PLXND1: variants seen among roughly 807,000 people sequenced by gnomAD.
PLXND1 encodes the protein plexin D1, also known as plexin-D1.
Under a neutral mutation model 197.7 loss-of-function variants are expected in PLXND1, and 54 were observed. The observed-to-expected ratio is 0.27, with a 90% CI of 0.22 to 0.34. PLXND1 has a LOEUF of 0.34. Among genes scored for constraint, PLXND1 ranks in the 10% least tolerant of loss-of-function variants. The pLI is 1.00. For missense variants in PLXND1, 2,127 were observed against 2,699.2 expected (o/e 0.79, Z 4.70); for synonymous variants, 1,180 against 1,161.2 (o/e 1.02, Z -0.33).
chr3:129,596,673 A>G (rs904921469), intron 1 of PLXND1, among the ~76,000 whole-genome samples: 3 of 152,134 alleles, frequency 2.0e-5, no homozygotes, highest in African/African-American at 7.2e-5. Flanking sequence ...TCTCCAGGGA[A>G]CACTGGCAGT....
chr3:129,597,552 G>T (rs770556059), intron 1 of PLXND1, among the ~76,000 whole-genome samples: 1 of 152,154 alleles, frequency 6.6e-6, no homozygotes, highest in South Asian at 2.1e-4. Context: ...GGGCCTTGCC[G>T]GGACTCGTAA....
intron 8 of PLXND1, 33 bp from the exon 9 acceptor site, chr3:129,578,466 G>A: frequency 7.3e-7 from 1 of 1,361,510 alleles, no homozygotes; most frequent in Non-Finnish European, 1.0e-6. Context: ...GGGTGACACA[G>A]GGGCATTTCA....
intron 1 of PLXND1, among the ~76,000 whole-genome samples, chr3:129,595,444 A>G (rs2085606230): frequency 6.6e-6 from 1 of 152,202 alleles, no homozygotes; most frequent in Non-Finnish European, 1.5e-5. Context: ...GGGGTGACCA[A>G]GAGGCTTCCT....
At position 129,577,566 on chromosome 3, in the gene PLXND1, G is replaced by A. The variant is rs1161975449; in HGVS notation, c.2346+763C>T. Among the ~76,000 whole-genome samples, 4 of 152,070 alleles carry A rather than the reference G, an allele frequency of 2.6e-5. No individual in the cohort carries two copies. Among genetic ancestry groups the A allele is most frequent in the South Asian group, 2.1e-4 (1 of 4,828 alleles). ...CAGATGCCCGGCACGTGGCCACCAC[G>A]TGTGACAGCTCTCACGGGCCTCAGC... On this transcript the variant is annotated intron_variant, in intron 9 of 35. Transcript: ENST00000324093. The surrounding 1 kb of genome is among the most constrained non-coding windows in gnomAD (Gnocchi z 5.0).
chr3:129,558,705 C>T lies in PLXND1; in HGVS notation c.5298-130G>A, dbSNP rs1212339903. The T allele has an allele frequency of 2.3e-6, 2 of 877,684 alleles. No individual in the cohort carries two copies. The highest frequency in any genetic ancestry group is 2.9e-4 in the Middle Eastern group (1 of 3,396). The allele number at this position is 877,684 out of a possible 1,614,324, so 54.4% of individuals were successfully genotyped here. A position where few individuals can be genotyped will look rare whatever the true frequency, so the allele number is the denominator to read the frequency against. On this transcript the variant is annotated intron_variant, in intron 32 of 35. Coordinates refer to ENST00000324093, the MANE Select transcript of PLXND1 (RefSeq NM_015103.3). The surrounding 1 kb of genome is among the most constrained non-coding windows in gnomAD (Gnocchi z 4.1). ...TTGGAGCCTTGTCACAAGATGTGAC[C>T]TTTGGGAACCTTAGTTTGCCTATCC... is the stretch of plus-strand genomic sequence containing the variant.
In PLXND1 at chr3:129,565,549, G is replaced by A. The variant is rs1241594467; in HGVS notation, c.4323-11C>T. 1 of 1,610,472 alleles carries A rather than the reference G, an allele frequency of 6.2e-7. No homozygotes were observed. The highest frequency in any genetic ancestry group is 8.5e-7 in the Non-Finnish European group (1 of 1,177,750). On this transcript the variant is annotated splice_polypyrimidine_tract_variant and intron_variant, in intron 24 of 35. Transcript: ENST00000324093. ...GAGGCCAGGCTGCACCTGTGAGCGGGAGGCAGGTGTCAACTGCACCTTGAG... is the reference window on the plus strand; with the variant it reads ...GAGGCCAGGCTGCACCTGTGAGCGGAAGGCAGGTGTCAACTGCACCTTGAG...
chr3:129,561,200 G>A, intron 29 of PLXND1: 1 of 459,114 alleles, frequency 2.2e-6, no homozygotes, highest in Non-Finnish European at 4.3e-6. Flanking sequence ...AGGCTGCTGG[G>A]AGAGACTGAG....
intron 8 of PLXND1, among the ~76,000 whole-genome samples, chr3:129,581,300 G>A (rs1044219692): frequency 6.6e-6 from 1 of 152,198 alleles, no homozygotes; most frequent in South Asian, 2.1e-4. Context: ...GCTAGTTACT[G>A]TAATTCTCAG....
chr3:129,559,339 A>G (rs56299595), intron 32 of PLXND1: 56,600 of 333,512 alleles, frequency 0.17, 6,059 homozygotes, highest in African/African-American at 0.33. Context: ...GATGGTGCCC[A>G]CCTGAGAGGG....
At chr3:129,573,542 G>A in intron 13 of PLXND1, 52 bp downstream of exon 13, 2 of 1,544,242 alleles carry the variant, frequency 1.3e-6, no homozygotes, top group Non-Finnish European at 8.9e-7. Context: ...GGAGGACAGA[G>A]CAGAGGCTGG....
rs767984224 is a variant in PLXND1, at chr3:129,571,547, C to T, written c.3298G>A (p.Val1100Met). Residue 1100 changes from valine to methionine, a missense_variant, in exon 17 of 36, where the codon GTG becomes ATG. By Grantham distance (21) the Val-to-Met change is conservative (BLOSUM62 1). This residue lies in a region of PLXND1 where 532 missense variants were observed against 811.0 expected (regional missense o/e 0.66). Transcript: ENST00000324093. The stretch of plus-strand genomic sequence containing the variant: ...CCAATGTGGTGGACGGCCATGGACA[C>T]ATTCTGCACCATGTGGAAACGCTCA... ...AGERFHMVQNVSMAVHHIGRE... is the reference protein window; with the variant it reads ...AGERFHMVQNMSMAVHHIGRE... 6.2e-6 allele frequency: 10 copies of T among 1,613,758 alleles called. No individual in the cohort carries two copies. Among genetic ancestry groups the T allele is most frequent in the Middle Eastern group, 1.6e-4 (1 of 6,062 alleles).
intron 8 of PLXND1, among the ~76,000 whole-genome samples, chr3:129,579,791 C>CA (rs1447664603): frequency 3.3e-5 from 5 of 152,348 alleles, no homozygotes; most frequent in African/African-American, 9.6e-5. Context: ...TGAGGTCACC[C>CA]AGCCAGGCCA....
rs1196306739 is a variant in PLXND1 at position 129,605,530 on chromosome 3, A to G, written c.1110T>C (p.Ala370=). 3 of 1,521,084 alleles carry G rather than the reference A, an allele frequency of 2.0e-6. No homozygotes were observed. Among genetic ancestry groups the G allele is most frequent in the East Asian group, 2.6e-5 (1 of 38,258 alleles). The allele number at this position is 1,521,084 out of a possible 1,614,324, so 94.2% of individuals were successfully genotyped here. ...SVFPARERLF[A]VFERPQGSPA... ...GGGACCCCTGGGGCCGCTCGAAGAC[A>G]GCAAAGAGCCGCTCCCGGGCTGGGA... Residue 370 remains alanine (A), a synonymous_variant, in exon 1 of 36, where the codon GCT becomes GCC. Transcript: ENST00000324093.
At chr3:129,579,410 C>T (rs1168525444) in intron 8 of PLXND1, among the ~76,000 whole-genome samples, 1 of 152,078 alleles carries the variant, frequency 6.6e-6, no homozygotes, top group East Asian at 1.9e-4. Flanking sequence ...CCATGCTCCA[C>T]TGTACAGAAT....
chr3:129,597,462 C>T (rs1381065593), intron 1 of PLXND1, among the ~76,000 whole-genome samples: 1 of 152,130 alleles, frequency 6.6e-6, no homozygotes, highest in Non-Finnish European at 1.5e-5. Context: ...CTGGCCTCCA[C>T]TCCAAGGCCT....
At position 129,571,510 on chromosome 3, in the gene PLXND1, G is replaced by A. The variant is rs146029556; in HGVS notation, c.3335C>T (p.Thr1112Met). Residue 1112 changes from threonine (T) to methionine (M), a missense_variant and splice_region_variant, in exon 17 of 36, where the codon ACG becomes ATG. Physicochemically the swap from Thr to Met is moderately conservative, Grantham distance 81. Around this residue, in one of 6 missense-constraint regions of PLXND1, gnomAD observed 532 missense variants for 811.0 expected, o/e 0.66. Transcript: ENST00000324093. ...CCATCAGGCCCCCGAATGCCTCACCGTGGGCTCCCGGCCAATGTGGTGGAC... is the reference window on the plus strand; with the variant it reads ...CCATCAGGCCCCCGAATGCCTCACCATGGGCTCCCGGCCAATGTGGTGGAC... Reference protein sequence around the residue: ...MAVHHIGREPTLCKVLNSTLI... With the variant: ...MAVHHIGREPMLCKVLNSTLI... The A allele has an allele frequency of 1.5e-5, 24 of 1,612,642 alleles. No individual in the cohort carries two copies. Among genetic ancestry groups the A allele is most frequent in the East Asian group, 6.7e-5 (3 of 44,886 alleles).
intron 1 of PLXND1, among the ~76,000 whole-genome samples, chr3:129,599,170 C>T (rs2108804217): frequency 6.6e-6 from 1 of 152,310 alleles, no homozygotes; most frequent in East Asian, 1.9e-4. Flanking sequence ...CGGCAGCAAC[C>T]AGGACATGGA....
rs1249276228 is a variant in PLXND1, at chr3:129,572,596, C to T, written c.3077+13G>A. 3 of 1,505,530 alleles carry T rather than the reference C, an allele frequency of 2.0e-6. No homozygotes were observed. Among genetic ancestry groups the T allele is most frequent in the African/African-American group, 2.8e-5 (2 of 71,678 alleles). The allele number at this position is 1,505,530 out of a possible 1,614,324, so 93.3% of individuals were successfully genotyped here. On this transcript the variant is annotated intron_variant, in intron 15 of 35. Coordinates refer to ENST00000324093, the MANE Select transcript of PLXND1 (RefSeq NM_015103.3). ...TCTGGGCTGGAAGGGATGGGCCAGG[C>T]CCAGAGGCTTACATCAGCTCCGTGC... is the stretch of plus-strand genomic sequence containing the variant.
At chr3:129,560,597 G>A (rs1578305008) in intron 30 of PLXND1, 92 bp downstream of exon 30, 3 of 1,084,096 alleles carry the variant, frequency 2.8e-6, no homozygotes, top group East Asian at 2.4e-5. Context: ...GCAGGGCTGG[G>A]AGCACTTTTC....
Sources: allele counts gnomAD v4.1 joint callset (sites outside exome capture counted in the v4.1 genomes callset), GRCh38; gene constraint gnomAD v4.1.1; regional missense constraint gnomAD v4.1.1; non-coding constraint Gnocchi (gnomAD v3.1); transcripts MANE v1.5; gene names NCBI Gene and HGNC (gene_info 2026-07-23, HGNC 2026-07-21).